ARSG: variants seen among roughly 807,000 people sequenced by gnomAD.
ARSG encodes the protein ASG.
ARSG carries 37 observed loss-of-function variants against 50.5 expected under a neutral mutation model. That is an observed-to-expected ratio of 0.73 (90% CI 0.56 to 0.96). The LOEUF is 0.96. ARSG is among the 50% of genes least tolerant of loss of function. The pLI is 0.00. For missense variants in ARSG, 629 were observed against 675.3 expected (o/e 0.93, Z 0.76); for synonymous variants, 225 against 254.6 (o/e 0.88, Z 1.11).
At chr17:68,270,085 C>T (rs1236474701) in intron 1 of ARSG, among the ~76,000 whole-genome samples, 3 of 152,160 alleles carry the variant, frequency 2.0e-5, no homozygotes, top group Non-Finnish European at 4.4e-5. Context: ...AGGAAATATT[C>T]TGTACAAATC....
At chr17:68,262,677 A>C (rs112251571) in intron 1 of ARSG, among the ~76,000 whole-genome samples, 23 of 152,002 alleles carry the variant, frequency 1.5e-4, no homozygotes, top group Non-Finnish European at 2.9e-4. Context: ...CAGCTAGAAG[A>C]CTACTGTAAT....
Position 68,378,882 on chromosome 17 carries a change from C to T in ARSG, c.983-6182C>T, listed in dbSNP as rs74605448. Among the ~76,000 whole-genome samples, 695 of 146,002 alleles carry T rather than the reference C, an allele frequency of 4.8e-3. 2 individuals carry two copies. The highest frequency in any genetic ancestry group is 7.8e-3 in the Non-Finnish European group (525 of 67,258). ...TATCAGGTTGTTGCATAACCTTTCC[C>T]GCTGGGAAGCAGTCTCTGCATCCTG... On this transcript the variant is annotated intron_variant, in intron 8 of 11. Transcript: ENST00000621439. The surrounding 1 kb of genome is among the most constrained non-coding windows in gnomAD (Gnocchi z 4.4).
chr17:68,262,253 C>T (rs1303049877), intron 1 of ARSG, among the ~76,000 whole-genome samples: 2 of 151,888 alleles, frequency 1.3e-5, no homozygotes, highest in East Asian at 1.9e-4. Flanking sequence ...CGGCGGATCA[C>T]GATGTCAGGA....
intron 2 of ARSG, among the ~76,000 whole-genome samples, chr17:68,316,118 A>G (rs919445958): frequency 1.3e-5 from 2 of 152,138 alleles, no homozygotes; most frequent in Non-Finnish European, 2.9e-5. Flanking sequence ...CCTTGAACAT[A>G]TGCTTTTCCC....
chr17:68,426,869 C>T (rs1476572773), downstream of ARSG, among the ~76,000 whole-genome samples: 1 of 152,174 alleles, frequency 6.6e-6, no homozygotes, highest in African/African-American at 2.4e-5. Flanking sequence ...AGGGTTAACA[C>T]CACTTGTTAG....
intron 8 of ARSG, among the ~76,000 whole-genome samples, chr17:68,373,067 T>C (rs1359757672): frequency 7.8e-6 from 1 of 128,378 alleles, no homozygotes; most frequent in African/African-American, 3.1e-5. Flanking sequence ...AATTTTTTGT[T>C]TGTTTTTTTT....
chr17:68,278,089 C>T, intron 1 of ARSG: 2 of 1,610,262 alleles, frequency 1.2e-6, no homozygotes, highest in Non-Finnish European at 1.7e-6. Flanking sequence ...ATGTACTAAC[C>T]TGAAAATGTT....
At chr17:68,282,779 T>TAAAAAAAAAAAAAAAAAAAAAAAAA (rs36155626) in intron 1 of ARSG, among the ~76,000 whole-genome samples, 3 of 53,404 alleles carry the variant, frequency 5.6e-5, no homozygotes, top group African/African-American at 1.9e-4. Context: ...CCATCTCTAC[T>TAAAAAAAAAAAAAAAAAAAAAAAAA]AAAAAAAAAA....
chr17:68,352,093 GA>G (rs2078800153), intron 5 of ARSG, among the ~76,000 whole-genome samples: 2 of 105,814 alleles, frequency 1.9e-5, no homozygotes, highest in Admixed American at 1.0e-4. Flanking sequence ...ACAGAGGAGA[GA>G]GAGAGAGAGA....
chr17:68,368,507 A>G (rs1456119144), intron 6 of ARSG, 41 bp from the exon 7 acceptor site: 7 of 1,593,840 alleles, frequency 4.4e-6, no homozygotes, highest in Non-Finnish European at 6.0e-6. Context: ...ATGAGCCAGG[A>G]GAGCCTTCTG....
In ARSG at chr17:68,410,099, T is replaced by C. The variant is rs62085908; in HGVS notation, c.1303+8649T>C. 7.1e-3 allele frequency among the ~76,000 whole-genome samples: 1,041 copies of C among 146,744 alleles called. 3 individuals carry two copies. Among genetic ancestry groups the C allele is most frequent in the Non-Finnish European group, 0.011 (714 of 66,508 alleles). On this transcript the variant is annotated intron_variant, in intron 11 of 11. Transcript: ENST00000621439. Reference sequence around the variant, plus strand: ...ACAATTTGACTTCCTCTTTTCCTAATTGAATACCCTTTATTTCCTTCTCCT... The same window carrying C: ...ACAATTTGACTTCCTCTTTTCCTAACTGAATACCCTTTATTTCCTTCTCCT...
At chr17:68,445,691 T>G in the ARSG span, among the ~76,000 whole-genome samples, 3 of 152,194 alleles carry the variant, frequency 2.0e-5, no homozygotes, top group Non-Finnish European at 2.9e-5. Flanking sequence ...ACAGGGTTGA[T>G]GTATCGGGTG....
chr17:68,428,993 C>T, the ARSG span: 1 of 1,353,528 alleles, frequency 7.4e-7, no homozygotes, highest in Admixed American at 1.8e-5. Context: ...GATGGATTCG[C>T]TTCCAATGAC....
intron 2 of ARSG, among the ~76,000 whole-genome samples, chr17:68,333,631 A>AAG (rs535994046): frequency 7.0e-6 from 1 of 142,732 alleles, no homozygotes; most frequent in African/African-American, 2.6e-5. Context: ...TCTGTCTCAA[A>AAG]AATAATAATA....
Position 68,420,597 on chromosome 17 carries a change from T to C in ARSG, c.*134T>C, listed in dbSNP as rs924987956. On this transcript the variant is annotated 3_prime_UTR_variant, in exon 12 of 12. Transcript: ENST00000621439. ...GTTTAGTTTTGGAGTTAGCCTTGCA[T>C]ATCCCTTCTGTATCCTGTCCCTCCT... 4.7e-6 allele frequency: 5 copies of C among 1,066,674 alleles called. No individual in the cohort carries two copies. The highest frequency in any genetic ancestry group is 6.9e-6 in the Non-Finnish European group (5 of 729,152). The allele number at this position is 1,066,674 out of a possible 1,614,324, so 66.1% of individuals were successfully genotyped here. A position where few individuals can be genotyped will look rare whatever the true frequency, so the allele number is the denominator to read the frequency against.
chr17:68,447,917 C>T, the ARSG span, among the ~76,000 whole-genome samples: 2 of 142,564 alleles, frequency 1.4e-5, no homozygotes, highest in Non-Finnish European at 3.0e-5. Context: ...TGCTTGAACA[C>T]GGGAGGTAGA....
chr17:68,426,253 G>GGGGGGGGGGA, downstream of ARSG: 2 of 841,016 alleles, frequency 2.4e-6, 1 homozygote, highest in Non-Finnish European at 3.8e-6. Context: ...GGGGAGCGGG[G>GGGGGGGGGGA]GCTCAAATAA....
chr17:68,272,060 C>CAA (rs782706828), intron 1 of ARSG, among the ~76,000 whole-genome samples: 7 of 152,100 alleles, frequency 4.6e-5, no homozygotes, highest in Non-Finnish European at 1.0e-4. Context: ...CTCGGCCTCT[C>CAA]AAAGTACTGG....
intron 1 of ARSG, chr17:68,278,092 A>G (rs2075583249): frequency 6.2e-7 from 1 of 1,611,368 alleles, no homozygotes; most frequent in Non-Finnish European, 8.5e-7. Context: ...TACTAACCTG[A>G]AAATGTTAAG....
Sources: gnomAD v4.1 joint callset for allele counts (sites outside exome capture counted in the v4.1 genomes callset) on GRCh38, gnomAD v4.1.1 for gene constraint, Gnocchi (gnomAD v3.1) non-coding constraint, MANE v1.5 for transcripts, NCBI Gene and HGNC (gene_info 2026-07-23, HGNC 2026-07-21) for gene names.